Variants in STPG2 observed in about 807,000 individuals in gnomAD.
STPG2 encodes sperm tail PG-rich repeat containing 2, also known as sperm-tail PG-rich repeat-containing protein 2.
STPG2 carries 56 observed loss-of-function variants against 54.2 expected under a neutral mutation model. That is an observed-to-expected ratio of 1.03 (90% CI 0.83 to 1.29). The LOEUF is 1.29. Ranked by LOEUF, STPG2 falls within the 50% of genes most tolerant of loss-of-function variation. The probability of loss-of-function intolerance (pLI) is 0.00; values close to 1 mark genes in which losing one functional copy is unlikely to be tolerated. For missense variants in STPG2, 596 were observed against 544.9 expected (o/e 1.09, Z -0.93); for synonymous variants, 200 against 181.8 (o/e 1.10, Z -0.81).
At chr4:97,461,811 T>G (rs560399294) in intron 4 of STPG2, among the ~76,000 whole-genome samples, 1 of 152,322 alleles carries the variant, frequency 6.6e-6, no homozygotes, top group South Asian at 2.1e-4. Context: ...GCTGTCTGCC[T>G]CTTTTAAATC....
intron 4 of STPG2, among the ~76,000 whole-genome samples, chr4:97,523,025 T>C (rs963981635): frequency 6.6e-6 from 1 of 152,020 alleles, no homozygotes; most frequent in African/African-American, 2.4e-5. Context: ...CCTGAAGTAG[T>C]TCCTGAAAGG....
intron 9 of STPG2, among the ~76,000 whole-genome samples, chr4:97,724,135 G>A (rs777186085): frequency 7.9e-5 from 12 of 152,020 alleles, no homozygotes; most frequent in Non-Finnish European, 1.0e-4. Context: ...TGACAAAACC[G>A]CAAAGTTTTT....
chr4:97,510,999 A>C (rs1578353047), intron 4 of STPG2, among the ~76,000 whole-genome samples: 1 of 152,216 alleles, frequency 6.6e-6, no homozygotes, highest in African/African-American at 2.4e-5. Flanking sequence ...AAGGAGAAAA[A>C]CTGGAATAAA....
intron 10 of STPG2, among the ~76,000 whole-genome samples, chr4:97,569,457 T>C (rs1471874381): frequency 6.6e-6 from 1 of 152,144 alleles, no homozygotes; most frequent in East Asian, 1.9e-4. Context: ...TAAGAATGCC[T>C]AACCTCCTGG....
intron 5 of STPG2, among the ~76,000 whole-genome samples, chr4:98,059,296 G>A (rs1025781500): frequency 2.0e-5 from 3 of 151,710 alleles, no homozygotes; most frequent in South Asian, 2.1e-4. Context: ...CTGGAGAGAG[G>A]GTGAAATTCT....
intron 8 of STPG2, among the ~76,000 whole-genome samples, chr4:97,848,608 T>G (rs182113983): frequency 6.6e-6 from 1 of 152,172 alleles, no homozygotes. Flanking sequence ...CCTGTCATAA[T>G]GTTTTTATTT....
chr4:98,134,488 G>A, intron 1 of STPG2, 29 bp from the exon 2 acceptor site: 1 of 1,210,294 alleles, frequency 8.3e-7, no homozygotes, highest in Non-Finnish European at 1.1e-6. Flanking sequence ...ATGACCAGCA[G>A]ATAAGATAAG....
chr4:97,789,947 C>G (rs1473325454), intron 9 of STPG2, among the ~76,000 whole-genome samples: 8 of 152,076 alleles, frequency 5.3e-5, no homozygotes, highest in Admixed American at 3.3e-4. Flanking sequence ...CATTTCAGAT[C>G]ATTAAAGAAA....
At chr4:97,588,410 A>C (rs761919066) in intron 10 of STPG2, among the ~76,000 whole-genome samples, 17 of 152,116 alleles carry the variant, frequency 1.1e-4, no homozygotes, top group Admixed American at 3.9e-4. Flanking sequence ...GAAGGAGATA[A>C]ACTATCTTAG....
chr4:98,027,152 A>G (rs1443765885), intron 5 of STPG2, among the ~76,000 whole-genome samples: 1 of 152,172 alleles, frequency 6.6e-6, no homozygotes, highest in Non-Finnish European at 1.5e-5. Flanking sequence ...ATTTGTTTCT[A>G]TTACTCTTCT....
At chr4:97,613,842 A>G (rs999090254) in intron 10 of STPG2, among the ~76,000 whole-genome samples, 3 of 151,956 alleles carry the variant, frequency 2.0e-5, no homozygotes, top group African/African-American at 7.3e-5. Flanking sequence ...ACTATGTAAG[A>G]TGCTCTAGAT....
chr4:98,026,515 A>C lies in STPG2; in HGVS notation c.613-45197T>G, dbSNP rs999305293. Among the ~76,000 whole-genome samples the C allele has an allele frequency of 4.6e-5, 7 of 152,240 alleles. No individual in the cohort carries two copies. The East Asian group carries it at 1.2e-3, about 25-fold the overall frequency. On this transcript the variant is annotated intron_variant, in intron 5 of 10. Transcript: ENST00000295268. ...GTAAAGGAAGGGGTTTCACTTCCTA[A>C]TTCTAGTGTATTTTCTTCCTTCTGT... is the stretch of plus-strand genomic sequence containing the variant.
chr4:97,762,341 T>A (rs750429721), intron 9 of STPG2, among the ~76,000 whole-genome samples: 1 of 152,178 alleles, frequency 6.6e-6, no homozygotes, highest in Non-Finnish European at 1.5e-5. Flanking sequence ...TCTGTGCTGT[T>A]CCCTAGTGAC....
At chr4:98,101,635 G>A (rs527377517) in intron 5 of STPG2, among the ~76,000 whole-genome samples, 6 of 151,952 alleles carry the variant, frequency 3.9e-5, no homozygotes, top group Non-Finnish European at 5.9e-5. Flanking sequence ...CAATTCCTGC[G>A]AGAGCTTTGT....
intron 4 of STPG2, among the ~76,000 whole-genome samples, chr4:97,453,892 G>T (rs59306866): frequency 0.027 from 4,041 of 152,038 alleles, 175 homozygotes; most frequent in African/African-American, 0.09. Flanking sequence ...TCTGAATTTG[G>T]GCACTAGAGA....
intron 4 of STPG2, among the ~76,000 whole-genome samples, chr4:97,469,087 G>A (rs1180111241): frequency 5.9e-5 from 9 of 152,046 alleles, no homozygotes; most frequent in Admixed American, 5.9e-4. Context: ...GAAAAACAAA[G>A]GTTGGTAATA....
rs560856253 is a variant in STPG2 at position 97,906,509 on chromosome 4, C to G, written c.1044+37388G>C. ...GAAAAAGAGAGAATCCTCCCTAACTCATTTTATCAGGCCAGTATCATCCTG... is the reference window on the plus strand; with the variant it reads ...GAAAAAGAGAGAATCCTCCCTAACTGATTTTATCAGGCCAGTATCATCCTG... On this transcript the variant is annotated intron_variant, in intron 8 of 10. Coordinates refer to ENST00000295268, the MANE Select transcript of STPG2 (RefSeq NM_174952.3). Among the ~76,000 whole-genome samples the G allele has an allele frequency of 1.9e-4, 29 of 152,346 alleles. No homozygotes were observed. In the East Asian group the frequency reaches 5.4e-3, roughly 28 times the overall value.
At chr4:98,014,518 C>T (rs573123262) in intron 5 of STPG2, among the ~76,000 whole-genome samples, 46 of 152,212 alleles carry the variant, frequency 3.0e-4, no homozygotes, top group African/African-American at 7.9e-4. Context: ...CTCCCATCAC[C>T]GCTGCTGCTT....
intron 8 of STPG2, among the ~76,000 whole-genome samples, chr4:97,932,059 G>T (rs1578704121): frequency 6.6e-6 from 1 of 152,210 alleles, no homozygotes; most frequent in East Asian, 1.9e-4. Flanking sequence ...TCTGATGGCT[G>T]ATTTTATTTC....
Sources: gnomAD v4.1 joint callset for allele counts (sites outside exome capture counted in the v4.1 genomes callset) on GRCh38, gnomAD v4.1.1 for gene constraint, MANE v1.5 for transcripts, NCBI Gene and HGNC (gene_info 2026-07-23, HGNC 2026-07-21) for gene names.